The following BNIP1 variants were observed in gnomAD, a reference collection of about 807,000 sequenced individuals.
BNIP1 encodes vesicle transport protein SEC20.
A neutral mutation model predicts 28.5 loss-of-function variants in BNIP1; 25 were observed. The observed-to-expected ratio is 0.88, with a 90% CI of 0.64 to 1.23. BNIP1 has a LOEUF of 1.23. Ranked by LOEUF, BNIP1 falls within the 50% of genes most tolerant of loss-of-function variation. The pLI is 0.00. For synonymous variants in BNIP1, 118 were observed against 101.7 expected, an observed-to-expected ratio of 1.16 and a Z score of -0.96; for missense variants, 276 against 277.0, an observed-to-expected ratio of 1.00 and a Z score of 0.02.
chr5:173,157,059 T>C (rs923963128), intron 3 of BNIP1, among the ~76,000 whole-genome samples: 7 of 152,140 alleles, frequency 4.6e-5, no homozygotes, highest in Admixed American at 2.0e-4. Flanking sequence ...ACAGTGAGTA[T>C]CTGTTTGCTT....
intron 3 of BNIP1, among the ~76,000 whole-genome samples, chr5:173,156,085 ACAGGGAGGCCAGTGTAAG>A (rs1760177927): frequency 6.6e-6 from 1 of 152,204 alleles, no homozygotes; most frequent in Non-Finnish European, 1.5e-5. Flanking sequence ...AAACACAGGC[ACAGGGAGGCCAGTGTAAG>A]CAGGGAGGGC....
At position 173,157,848 on chromosome 5, in the gene BNIP1, G is replaced by A. The variant is rs574717998; in HGVS notation, c.270-896G>A. 1.0e-3 allele frequency among the ~76,000 whole-genome samples: 152 copies of A among 152,056 alleles called. 2 individuals carry two copies. The South Asian group carries it at 0.015, about 15-fold the overall frequency. ...AATCCATCATGTTTGTGTCATTCAT[G>A]ATTGGTCTGTAGTATGGAAAGAACA... is the stretch of plus-strand genomic sequence containing the variant. On this transcript the variant is annotated intron_variant, in intron 3 of 5. Coordinates refer to ENST00000351486, the MANE Select transcript of BNIP1 (RefSeq NM_001205.3).
At chr5:173,155,096 T>C (rs533111778) in intron 3 of BNIP1, among the ~76,000 whole-genome samples, 5 of 152,174 alleles carry the variant, frequency 3.3e-5, no homozygotes, top group African/African-American at 1.2e-4. Flanking sequence ...TTTAGAAGGT[T>C]TTGAGTGGGA....
intron 2 of BNIP1, among the ~76,000 whole-genome samples, chr5:173,147,585 G>C (rs1759877109): frequency 9.0e-6 from 1 of 110,920 alleles, no homozygotes; most frequent in South Asian, 2.5e-4. Context: ...TCACACTCCT[G>C]GGTTTTTTTT....
At chr5:173,158,911 C>T (rs1343113100) in intron 4 of BNIP1, 66 bp downstream of exon 4, 13 of 1,228,562 alleles carry the variant, frequency 1.1e-5, no homozygotes, top group Non-Finnish European at 1.4e-5. Flanking sequence ...GTGTAGGAAA[C>T]CCCCTCTTGT....
intron 5 of BNIP1, 39 bp from the exon 6 acceptor site, chr5:173,163,686 G>A (rs1760427719): frequency 2.0e-6 from 3 of 1,530,792 alleles, no homozygotes; most frequent in Non-Finnish European, 2.6e-6. Context: ...ATCTTGAGCT[G>A]CAGTCTCTGA....
At chr5:173,155,808 C>G (rs1760170182) in intron 3 of BNIP1, among the ~76,000 whole-genome samples, 1 of 152,102 alleles carries the variant, frequency 6.6e-6, no homozygotes, top group Non-Finnish European at 1.5e-5. Context: ...TCAGGAACTC[C>G]TGGGCTCAAG....
At position 173,164,025 on chromosome 5, in the gene BNIP1, C is replaced by T. The variant is rs1760441274; in HGVS notation, c.*104C>T. On this transcript the variant is annotated 3_prime_UTR_variant, in exon 6 of 6. Coordinates refer to ENST00000351486, the MANE Select transcript of BNIP1 (RefSeq NM_001205.3). The surrounding 1 kb of genome is among the most constrained non-coding windows in gnomAD (Gnocchi z 4.0). ...GCTGAGCCACACACCCCTCCGTTTG[C>T]ACCAGTTGCCTGCAGGTTGGATGGA... 1 of 1,197,112 alleles carries T rather than the reference C, an allele frequency of 8.4e-7. No individual in the cohort carries two copies. The allele number at this position is 1,197,112 out of a possible 1,614,324, so 74.2% of individuals were successfully genotyped here. A position where few individuals can be genotyped will look rare whatever the true frequency, so the allele number is the denominator to read the frequency against.
chr5:173,155,147 C>T lies in BNIP1; in HGVS notation c.269+734C>T, dbSNP rs529014161. Among the ~76,000 whole-genome samples the T allele has an allele frequency of 7.2e-5, 11 of 152,094 alleles. No homozygotes were observed. In the South Asian group the frequency reaches 1.2e-3, roughly 17 times the overall value. ...AAATAAAATAAAATGCAAGAAAAAC[C>T]GTAAATTAAACAAAATTGAGGTCAA... is the stretch of plus-strand genomic sequence containing the variant. On this transcript the variant is annotated intron_variant, in intron 3 of 5. Transcript: ENST00000351486.
intron 5 of BNIP1, among the ~76,000 whole-genome samples, chr5:173,162,671 C>T (rs940023618): frequency 2.0e-5 from 3 of 152,032 alleles, no homozygotes; most frequent in African/African-American, 4.8e-5. Flanking sequence ...TTGACACTTA[C>T]ATCTCCTGAC....
At position 173,158,797 on chromosome 5, in the gene BNIP1, A is replaced by G; in HGVS notation, c.323A>G (p.Asn108Ser). 1.2e-6 allele frequency: 2 copies of G among 1,614,126 alleles called. No homozygotes were observed. Among genetic ancestry groups the G allele is most frequent in the South Asian group, 1.1e-5 (1 of 91,074 alleles). Residue 108 changes from asparagine to serine, a missense_variant, in exon 4 of 6, where the codon AAT (asparagine) becomes AGT (serine). Asn to Ser is a conservative substitution (Grantham distance 46, BLOSUM62 1). Coordinates refer to ENST00000351486, the MANE Select transcript of BNIP1 (RefSeq NM_001205.3). ...ANLTCKIAID[N>S]LEKAELLQGG... ...CTCACCTGCAAAATTGCAATCGACA[A>G]TCTAGAGAAAGCAGAACTTCTTCAG...
chr5:173,158,916 T>G, intron 4 of BNIP1, 71 bp downstream of exon 4: 1 of 1,161,838 alleles, frequency 8.6e-7, no homozygotes, highest in South Asian at 1.7e-5. Context: ...GGAAACCCCC[T>G]CTTGTTTTCA....
rs142541614 is a variant in BNIP1 at position 173,144,563 on chromosome 5, C to T, written c.18C>T (p.Asp6=). The T allele has an allele frequency of 2.0e-5, 33 of 1,614,152 alleles. No individual in the cohort carries two copies. Among genetic ancestry groups the T allele is most frequent in the Non-Finnish European group, 2.5e-5 (30 of 1,179,990 alleles). The change falls in exon 1 of 6, where the codon GAC becomes GAT. Residue 6 remains aspartate, a synonymous_variant. Transcript: ENST00000351486. MAAPQ[D]VHVRICNQEI... ...TCCCCAACATGGCGGCTCCCCAAGACGTCCACGTCCGGATCTGTAACCAAG... is the reference window on the plus strand; with the variant it reads ...TCCCCAACATGGCGGCTCCCCAAGATGTCCACGTCCGGATCTGTAACCAAG...
chr5:173,163,297 G>A (rs930230102), intron 5 of BNIP1, among the ~76,000 whole-genome samples: 3 of 152,216 alleles, frequency 2.0e-5, no homozygotes, highest in African/African-American at 7.2e-5. Flanking sequence ...GCCAGCAGAT[G>A]TCCTGGAGGC....
At chr5:173,155,665 C>A (rs1760164899) in intron 3 of BNIP1, among the ~76,000 whole-genome samples, 1 of 151,858 alleles carries the variant, frequency 6.6e-6, no homozygotes, top group South Asian at 2.1e-4. Context: ...TGCACTCCAG[C>A]CTGGGTGACA....
intron 2 of BNIP1, among the ~76,000 whole-genome samples, chr5:173,148,065 A>AG (rs1251671381): frequency 3.0e-5 from 1 of 33,054 alleles, no homozygotes; most frequent in African/African-American, 1.5e-4. Context: ...TCTGTGTCAA[A>AG]AAAAAAAAAA....
chr5:173,159,091 G>A (rs1214945903), intron 4 of BNIP1, among the ~76,000 whole-genome samples: 1 of 151,630 alleles, frequency 6.6e-6, no homozygotes, highest in Non-Finnish European at 1.5e-5. Context: ...AGGCTGGAGT[G>A]CAGTGGTGCC....
intron 2 of BNIP1, among the ~76,000 whole-genome samples, chr5:173,152,179 C>A (rs1183205839): frequency 3.9e-5 from 6 of 152,186 alleles, no homozygotes; most frequent in Non-Finnish European, 2.9e-5. Flanking sequence ...GAAAGAACTT[C>A]CAGGCAATCT....
At chr5:173,159,009 A>G (rs1042755580) in intron 4 of BNIP1, among the ~76,000 whole-genome samples, 164 bp downstream of exon 4, 1 of 152,168 alleles carries the variant, frequency 6.6e-6, no homozygotes, top group African/African-American at 2.4e-5. Context: ...TTGGTAAAAT[A>G]AAGTATGAAT....
Sources: gnomAD v4.1 joint callset for allele counts (sites outside exome capture counted in the v4.1 genomes callset) on GRCh38, gnomAD v4.1.1 for gene constraint, Gnocchi (gnomAD v3.1) non-coding constraint, MANE v1.5 for transcripts, NCBI Gene and HGNC (gene_info 2026-07-23, HGNC 2026-07-21) for gene names.